The following ZNF444 variants were observed in gnomAD, a reference collection of about 807,000 sequenced individuals.
The protein encoded by ZNF444 is zinc finger protein 444.
ZNF444 carries 8 observed loss-of-function variants against 14.4 expected under a neutral mutation model. That is an observed-to-expected ratio of 0.56 (90% CI 0.33 to 1.00). ZNF444 has a LOEUF of 1.00. Among genes scored for constraint, ZNF444 ranks in the 50% least tolerant of loss-of-function variants. The pLI is 0.03. For missense variants in ZNF444, 510 were observed against 504.8 expected, an observed-to-expected ratio of 1.01 and a Z score of -0.10; for synonymous variants, 258 against 235.9, an observed-to-expected ratio of 1.09 and a Z score of -0.86.
rs775915795 is a variant in ZNF444 at position 56,159,862 on chromosome 19, C to T, written c.645C>T (p.Ala215=). The change falls in exon 5 of 5, where the codon GCC becomes GCT. Residue 215 remains alanine (A), a synonymous_variant. Transcript: ENST00000337080. The part of the protein sequence containing the change: ...KPHACPECGK[A]FRRKEHLRRH... Reference sequence around the variant, plus strand: ...ACGCCTGCCCTGAGTGCGGGAAGGCCTTTCGGCGCAAGGAGCACCTGCGGC... The same window carrying T: ...ACGCCTGCCCTGAGTGCGGGAAGGCTTTTCGGCGCAAGGAGCACCTGCGGC... The T allele has an allele frequency of 1.3e-6, 2 of 1,541,642 alleles. No individual in the cohort carries two copies. The highest frequency in any genetic ancestry group is 1.9e-5 in the Admixed American group (1 of 51,988).
intron 3 of ZNF444, among the ~76,000 whole-genome samples, chr19:56,152,483 G>GTTTTT (rs113205489): frequency 8.2e-6 from 1 of 122,548 alleles, no homozygotes; most frequent in Non-Finnish European, 1.8e-5. Flanking sequence ...CCAGGGTTTT[G>GTTTTT]TTTTTTTTTT....
chr19:56,138,191 G>A (rs1192100750), upstream of ZNF444, among the ~76,000 whole-genome samples: 2 of 152,112 alleles, frequency 1.3e-5, no homozygotes, highest in Non-Finnish European at 2.9e-5. Context: ...CAGAATATTA[G>A]GCAATCTTTA....
At chr19:56,146,572 C>G (rs1467636970) in intron 2 of ZNF444, among the ~76,000 whole-genome samples, 152 bp downstream of exon 2, 2 of 152,146 alleles carry the variant, frequency 1.3e-5, no homozygotes, top group African/African-American at 4.8e-5. Context: ...GGCGGATCAC[C>G]TGGGGTCAGG....
upstream of ZNF444, among the ~76,000 whole-genome samples, chr19:56,137,726 T>G (rs1397847960): frequency 7.2e-5 from 11 of 152,192 alleles, no homozygotes. Context: ...AAAGGAGCTC[T>G]GGGTCTGAAG....
chr19:56,157,725 C>T (rs371646646), intron 3 of ZNF444: 1 of 152,326 alleles, frequency 6.6e-6, no homozygotes, highest in African/African-American at 2.4e-5. Context: ...ATTTTCACAC[C>T]AGTGATTGCT....
intron 1 of ZNF444, chr19:56,141,685 G>A: frequency 7.3e-6 from 1 of 137,296 alleles, no homozygotes; most frequent in African/African-American, 2.7e-5. Context: ...GGACAGGTGG[G>A]GGAGGGGAAG....
At position 56,160,140 on chromosome 19, in the gene ZNF444, A is replaced by AG. The variant is rs1180426403; in HGVS notation, c.928dup (p.Ala310GlyfsTer96). On this transcript the variant is annotated frameshift_variant, in exon 5 of 5. Transcript: ENST00000337080. LOFTEE classifies it low-confidence loss of function (END_TRUNC). ...CACGGCCGGGCAGCGGCCAGCGCGC[A>AG]GGGGGCGGTAGCTCCGGGCCCGGAT... is the stretch of plus-strand genomic sequence containing the variant. 2 of 1,481,080 alleles carry AG rather than the reference A, an allele frequency of 1.4e-6. No homozygotes were observed. The highest frequency in any genetic ancestry group is 1.8e-6 in the Non-Finnish European group (2 of 1,124,420). The allele number at this position is 1,481,080 out of a possible 1,614,324, so 91.7% of individuals were successfully genotyped here. A position where few individuals can be genotyped will look rare whatever the true frequency, so the allele number is the denominator to read the frequency against.
In ZNF444 at chr19:56,144,595, G is replaced by A. The variant is rs1170014027; in HGVS notation, c.-196-1652G>A. On this transcript the variant is annotated intron_variant, in intron 1 of 4. Transcript: ENST00000337080. The surrounding 1 kb of genome is among the most constrained non-coding windows in gnomAD (Gnocchi z 4.0). ...CCGTCCCAGCAATGAGATGACGTTTGTGGTTAGTGACATGGCGGTCAGGAG... is the reference window on the plus strand; with the variant it reads ...CCGTCCCAGCAATGAGATGACGTTTATGGTTAGTGACATGGCGGTCAGGAG... Among the ~76,000 whole-genome samples, 3 of 152,214 alleles carry A rather than the reference G, an allele frequency of 2.0e-5. No homozygotes were observed. The East Asian group carries it at 5.8e-4, about 29-fold the overall frequency.
chr19:56,153,548 G>T (rs528968271), intron 3 of ZNF444, among the ~76,000 whole-genome samples: 4 of 152,336 alleles, frequency 2.6e-5, no homozygotes, highest in Non-Finnish European at 4.4e-5. Flanking sequence ...ACCAGGGTAT[G>T]GTCAGCTTCC....
chr19:56,160,451 G>A lies in ZNF444; in HGVS notation c.*250G>A, dbSNP rs2032225778. ...CCCTGATTTCTCGGCCTCTCTCTCT[G>A]TGTGAAGGGGCCTCTCCCTAATGTC... is the stretch of plus-strand genomic sequence containing the variant. On this transcript the variant is annotated 3_prime_UTR_variant, in exon 5 of 5. Coordinates refer to ENST00000337080, the MANE Select transcript of ZNF444 (RefSeq NM_018337.4). 8.7e-6 allele frequency: 4 copies of A among 461,424 alleles called. No individual in the cohort carries two copies. The South Asian group carries it at 1.5e-4, about 17-fold the overall frequency. 28.6% of individuals were successfully genotyped at this position (461,424 alleles called of 1,614,324 possible).
chr19:56,158,144 G>A, intron 3 of ZNF444: 1 of 200,374 alleles, frequency 5.0e-6, no homozygotes, highest in South Asian at 1.6e-4. Flanking sequence ...ACTCAGGGGT[G>A]TAAACAGTAA....
At position 56,147,309 on chromosome 19, in the gene ZNF444, G is replaced by C. The variant is rs1600018667; in HGVS notation, c.297+101G>C. 1.5e-6 allele frequency: 2 copies of C among 1,311,030 alleles called. No homozygotes were observed. The highest frequency in any genetic ancestry group is 2.0e-6 in the Non-Finnish European group (2 of 1,014,270). The allele number at this position is 1,311,030 out of a possible 1,614,324, so 81.2% of individuals were successfully genotyped here. On this transcript the variant is annotated intron_variant, in intron 3 of 4. Coordinates refer to ENST00000337080, the MANE Select transcript of ZNF444 (RefSeq NM_018337.4). This position sits in a 1 kb window ranked among gnomAD's most constrained non-coding sequence, Gnocchi z 5.9. The stretch of plus-strand genomic sequence containing the variant: ...AGCACCACTGAACCCCTGAAAACCA[G>C]TGTGACTCGCGGTGGGGAGGCTGCG...
At chr19:56,133,305 T>G (rs1474994812) in intron 1 of ZNF444, among the ~76,000 whole-genome samples, 1 of 151,774 alleles carries the variant, frequency 6.6e-6, no homozygotes, top group East Asian at 2.0e-4. Flanking sequence ...ACTCCTGACC[T>G]CAGGTGATCC....
upstream of ZNF444, among the ~76,000 whole-genome samples, chr19:56,139,180 TA>T (rs970884157): frequency 8.1e-3 from 1,195 of 148,316 alleles, 16 homozygotes; most frequent in African/African-American, 0.026. Flanking sequence ...TTACCACAAT[TA>T]AAAAAAAAAG....
chr19:56,149,045 CTTGA>C (rs1568555123), intron 3 of ZNF444, among the ~76,000 whole-genome samples: 1 of 148,830 alleles, frequency 6.7e-6, no homozygotes, highest in Non-Finnish European at 1.5e-5. Flanking sequence ...CTCCTCCGAC[CTTGA>C]CCTCTGCTTC....
In ZNF444 at chr19:56,158,553, G is replaced by T; in HGVS notation, c.357G>T (p.Gln119His). 1 of 1,612,038 alleles carries T rather than the reference G, an allele frequency of 6.2e-7. No individual in the cohort carries two copies. The highest frequency in any genetic ancestry group is 8.5e-7 in the Non-Finnish European group (1 of 1,179,048). ...CGAGGGTGCCTCAGGATGTGACGCA[G>T]GGCCCTGGGGCCACAGGTGGAAAGG... ...SATRVPQDVT[Q>H]GPGATGGKED... Residue 119 changes from glutamine to histidine, a missense_variant, in exon 4 of 5, where the codon CAG becomes CAT. Transcript: ENST00000337080.
chr19:56,154,782 T>G (rs1078962), intron 3 of ZNF444: 62,027 of 150,784 alleles, frequency 0.41, 12,932 homozygotes, highest in Non-Finnish European at 0.46. Context: ...CAGCAGAACA[T>G]CAGCAGCTTG....
Position 56,159,641 on chromosome 19 carries a change from G to T in ZNF444, c.424G>T (p.Ala142Ser). The change falls in exon 5 of 5, where the codon GCT (alanine) becomes TCT (serine). Residue 142 changes from alanine to serine, a missense_variant. Coordinates refer to ENST00000337080, the MANE Select transcript of ZNF444 (RefSeq NM_018337.4). ...TTTCCCAGCAGGCACCGCCCCTGGGGCTGAGGGGCCGGCGCCTGGGGACTC... is the reference window on the plus strand; with the variant it reads ...TTTCCCAGCAGGCACCGCCCCTGGGTCTGAGGGGCCGGCGCCTGGGGACTC... ...MIPLAGTAPG[A>S]EGPAPGDSQA... 1 of 1,451,670 alleles carries T rather than the reference G, an allele frequency of 6.9e-7. No homozygotes were observed. The highest frequency in any genetic ancestry group is 2.6e-5 in the East Asian group (1 of 38,570). 89.9% of individuals were successfully genotyped at this position (1,451,670 alleles called of 1,614,324 possible).
chr19:56,148,980 C>G (rs1048013783), intron 3 of ZNF444, among the ~76,000 whole-genome samples: 2 of 152,176 alleles, frequency 1.3e-5, no homozygotes, highest in African/African-American at 4.8e-5. Flanking sequence ...CGGCTCATGG[C>G]CCTTCCTCCG....
Sources: gnomAD v4.1 joint callset for allele counts (sites outside exome capture counted in the v4.1 genomes callset) on GRCh38, gnomAD v4.1.1 for gene constraint, Gnocchi (gnomAD v3.1) non-coding constraint, MANE v1.5 for transcripts, NCBI Gene and HGNC (gene_info 2026-07-23, HGNC 2026-07-21) for gene names.